Variants in ADCY5 observed in about 807,000 individuals in gnomAD.
The protein encoded by ADCY5 is adenylate cyclase 5, also known as adenylate cyclase type 5.
A neutral mutation model predicts 119.7 loss-of-function variants in ADCY5; 30 were observed. The ratio of observed to expected loss-of-function variants is 0.25; its 90% CI spans 0.19 to 0.34. The LOEUF (loss-of-function observed/expected upper bound fraction) is 0.34, where lower values mean the gene tolerates loss of function less well. ADCY5 is among the 10% of genes least tolerant of loss of function. The pLI is 1.00. For synonymous variants in ADCY5, 753 were observed against 762.2 expected, an observed-to-expected ratio of 0.99 and a Z score of 0.20; for missense variants, 1,324 against 1,775.2, an observed-to-expected ratio of 0.75 and a Z score of 4.57.
At chr3:123,324,506 G>C (rs1379792125) in intron 8 of ADCY5, among the ~76,000 whole-genome samples, 2 of 148,358 alleles carry the variant, frequency 1.3e-5, no homozygotes, top group African/African-American at 5.0e-5. Context: ...CCTTGGTATG[G>C]GTGACTCCCA....
intron 1 of ADCY5, among the ~76,000 whole-genome samples, chr3:123,370,596 G>A (rs1035455752): frequency 5.9e-5 from 9 of 152,212 alleles, no homozygotes; most frequent in African/African-American, 1.9e-4. Flanking sequence ...AAGTGGTGGA[G>A]CAACCCCATG....
At chr3:123,343,876 C>T (rs1942397373) in intron 3 of ADCY5, among the ~76,000 whole-genome samples, 1 of 152,194 alleles carries the variant, frequency 6.6e-6, no homozygotes, top group South Asian at 2.1e-4. Context: ...TGAAACATTT[C>T]CATTTGTCAC....
At chr3:123,416,077 T>C (rs543925696) in intron 1 of ADCY5, 8 of 1,290,620 alleles carry the variant, frequency 6.2e-6, no homozygotes, top group Non-Finnish European at 8.5e-6. Flanking sequence ...GGGGTTACAG[T>C]ACAGGCCCCA....
At chr3:123,395,773 C>T (rs1246925286) in intron 1 of ADCY5, among the ~76,000 whole-genome samples, 2 of 151,248 alleles carry the variant, frequency 1.3e-5, no homozygotes, top group East Asian at 3.9e-4. Flanking sequence ...GTCCCAGCTA[C>T]TTGGGAAGCT....
chr3:123,284,826 C>T, intron 20 of ADCY5, 90 bp from the exon 21 acceptor site: 4 of 1,541,944 alleles, frequency 2.6e-6, no homozygotes, highest in African/African-American at 2.7e-5. Context: ...CTGCCCAGCC[C>T]TGTTGCCGCC....
At chr3:123,313,425 G>A (rs1046955152) in intron 12 of ADCY5, among the ~76,000 whole-genome samples, 19 of 152,330 alleles carry the variant, frequency 1.2e-4, no homozygotes, top group African/African-American at 1.9e-4. Flanking sequence ...CCTAGTGAGC[G>A]TCAGGGAGGA....
At chr3:123,337,433 A>G (rs1281398066) in intron 3 of ADCY5, among the ~76,000 whole-genome samples, 1 of 152,192 alleles carries the variant, frequency 6.6e-6, no homozygotes, top group Non-Finnish European at 1.5e-5. Flanking sequence ...GGCTGAAAAC[A>G]ACAGATTTTT....
At chr3:123,444,472 G>T (rs192820863) in intron 1 of ADCY5, among the ~76,000 whole-genome samples, 2 of 152,174 alleles carry the variant, frequency 1.3e-5, no homozygotes, top group East Asian at 3.9e-4. Flanking sequence ...GAGCCGAGGG[G>T]GAGGGTGACA....
chr3:123,416,997 C>A (rs1203046259), intron 1 of ADCY5, among the ~76,000 whole-genome samples: 1 of 152,188 alleles, frequency 6.6e-6, no homozygotes, highest in Non-Finnish European at 1.5e-5. Flanking sequence ...CGACCCCAAT[C>A]CTCTGGCACC....
intron 10 of ADCY5, 22 bp from the exon 11 acceptor site, chr3:123,318,139 G>A (rs1941023721): frequency 3.1e-6 from 5 of 1,597,154 alleles, no homozygotes; most frequent in South Asian, 1.1e-5. Flanking sequence ...CGGGCAGGGT[G>A]AGAGGGGCCA....
chr3:123,395,826 T>C (rs1366643620), intron 1 of ADCY5, among the ~76,000 whole-genome samples: 1 of 150,520 alleles, frequency 6.6e-6, no homozygotes, highest in Non-Finnish European at 1.5e-5. Flanking sequence ...GAGGTTGCAG[T>C]GAGCCATGAT....
intron 1 of ADCY5, among the ~76,000 whole-genome samples, chr3:123,428,049 C>A (rs79823460): frequency 6.6e-6 from 1 of 152,220 alleles, no homozygotes; most frequent in Non-Finnish European, 1.5e-5. Flanking sequence ...GGAGGATCAA[C>A]GGACAGGGAC....
intron 1 of ADCY5, chr3:123,404,250 T>C (rs1046851913): frequency 3.3e-5 from 5 of 152,136 alleles, no homozygotes; most frequent in Non-Finnish European, 7.3e-5. Flanking sequence ...AAAAGGCTGG[T>C]TGACAAGCAC....
In ADCY5 at chr3:123,327,790, G is replaced by A. The variant is rs367802017; in HGVS notation, c.1806-31C>T. ...GGGGGGCAGGGATCAGGGTGGAGAG[G>A]GCAGAAAACTCAAAGTCATAATGTC... On this transcript the variant is annotated intron_variant, in intron 6 of 20. Coordinates refer to ENST00000462833, the MANE Select transcript of ADCY5 (RefSeq NM_183357.3). The A allele has an allele frequency of 3.1e-6, 5 of 1,610,110 alleles. No homozygotes were observed. In the African/African-American group the frequency reaches 6.7e-5, roughly 22 times the overall value.
chr3:123,391,288 C>T (rs908834471), intron 1 of ADCY5, among the ~76,000 whole-genome samples: 1 of 151,874 alleles, frequency 6.6e-6, no homozygotes, highest in Non-Finnish European at 1.5e-5. Context: ...GGCTTTCAGG[C>T]CACAAAACCT....
rs1553722484 is a variant in ADCY5 at position 123,308,831 on chromosome 3, A to AAACAAAC, written c.2443-4655_2443-4649dup. Among the ~76,000 whole-genome samples, 34 of 151,148 alleles carry AAACAAAC rather than the reference A, an allele frequency of 2.2e-4. No individual in the cohort carries two copies. The East Asian group carries it at 5.9e-3, about 26-fold the overall frequency. Reference sequence around the variant, plus strand: ...GCAACAGAGCGAGACTCTGTCTCAAAAACAAACAAACAAAAAGAAAAAACA... The same window carrying AAACAAAC: ...GCAACAGAGCGAGACTCTGTCTCAAAAACAAACAACAAACAAACAAAAAGAAAAAACA... On this transcript the variant is annotated intron_variant, in intron 12 of 20. Coordinates refer to ENST00000462833, the MANE Select transcript of ADCY5 (RefSeq NM_183357.3).
intron 1 of ADCY5, among the ~76,000 whole-genome samples, chr3:123,363,856 C>G (rs1943341781): frequency 6.6e-6 from 1 of 152,192 alleles, no homozygotes; most frequent in South Asian, 2.1e-4. Context: ...CTGCGGTGAG[C>G]CACGATTACA....
intron 1 of ADCY5, among the ~76,000 whole-genome samples, chr3:123,377,755 C>G (rs1440206038): frequency 6.6e-6 from 1 of 151,998 alleles, no homozygotes; most frequent in Non-Finnish European, 1.5e-5. Context: ...CCTGGTGAAA[C>G]CCTGTCTCTA....
At chr3:123,433,540 C>T (rs1419943265) in intron 1 of ADCY5, among the ~76,000 whole-genome samples, 3 of 152,136 alleles carry the variant, frequency 2.0e-5, no homozygotes, top group Non-Finnish European at 2.9e-5. Context: ...TTGAGAAGAG[C>T]GACAGGAACA....
Sources: allele counts gnomAD v4.1 joint callset (sites outside exome capture counted in the v4.1 genomes callset), GRCh38; gene constraint gnomAD v4.1.1; transcripts MANE v1.5; gene names NCBI Gene and HGNC (gene_info 2026-07-23, HGNC 2026-07-21).